Variants in TUSC3 observed in about 807,000 individuals in gnomAD.
TUSC3 encodes the protein dolichyl-diphosphooligosaccharide--protein glycosyltransferase subunit TUSC3.
TUSC3 carries 45 observed loss-of-function variants against 44.8 expected under a neutral mutation model. The observed-to-expected ratio is 1.00, with a 90% CI of 0.79 to 1.29. The LOEUF (loss-of-function observed/expected upper bound fraction) is 1.29. Among genes scored for constraint, TUSC3 ranks in the 50% most tolerant of loss-of-function variants. TUSC3 has a pLI of 0.00. For missense variants in TUSC3, 519 were observed against 437.9 expected (o/e 1.19, Z -1.65); for synonymous variants, 212 against 152.9 (o/e 1.39, Z -2.85).
chr8:15,461,264 GTGTTT>G (rs542853917), intron 1 of TUSC3, among the ~76,000 whole-genome samples: 3 of 151,528 alleles, frequency 2.0e-5, no homozygotes, highest in Non-Finnish European at 2.9e-5. Context: ...ATATTCCTAA[GTGTTT>G]TGTTTGTTTG....
chr8:15,753,961 G>C (rs145167045), intron 9 of TUSC3, among the ~76,000 whole-genome samples: 1 of 152,218 alleles, frequency 6.6e-6, no homozygotes, highest in African/African-American at 2.4e-5. Flanking sequence ...TGAAAGGTGA[G>C]ATACTGATAA....
chr8:15,696,159 C>T (rs964294412), intron 6 of TUSC3, among the ~76,000 whole-genome samples: 16 of 152,136 alleles, frequency 1.1e-4, no homozygotes, highest in Admixed American at 8.5e-4. Flanking sequence ...GCCCAGAGGC[C>T]TAGGAGGCAA....
rs79881033 is a variant in TUSC3 at position 15,600,368 on chromosome 8, A to G, written c.139-22712A>G. 5.0e-3 allele frequency among the ~76,000 whole-genome samples: 767 copies of G among 151,920 alleles called. 18 individuals are homozygous for G. In the East Asian group the frequency reaches 0.075, roughly 15 times the overall value. ...AATAGAGATGCTTCATCTAAGGACA[A>G]ACAGGTTTGATTAGGATGTCAGTAG... On this transcript the variant is annotated intron_variant, in intron 1 of 10. Coordinates refer to ENST00000503731, the MANE Select transcript of TUSC3 (RefSeq NM_006765.4).
intron 1 of TUSC3, among the ~76,000 whole-genome samples, chr8:15,618,570 C>T (rs1474358949): frequency 6.6e-6 from 1 of 152,136 alleles, no homozygotes; most frequent in Non-Finnish European, 1.5e-5. Context: ...ATGGAACTGT[C>T]ATCTCCTAGG....
At chr8:15,798,338 A>C in the TUSC3 span, among the ~76,000 whole-genome samples, 26,548 of 152,104 alleles carry the variant, frequency 0.17, 2,370 homozygotes, top group Middle Eastern at 0.23. Flanking sequence ...TAGTTCCCTA[A>C]GTGCCCATAT....
At chr8:15,526,182 G>A (rs1205213710) in intron 2 of TUSC3, among the ~76,000 whole-genome samples, 4 of 151,922 alleles carry the variant, frequency 2.6e-5, no homozygotes, top group Non-Finnish European at 4.4e-5. Context: ...ACAGGCGCCC[G>A]CCATCACGGC....
At chr8:15,727,732 G>T (rs577383377) in intron 6 of TUSC3, among the ~76,000 whole-genome samples, 2 of 152,276 alleles carry the variant, frequency 1.3e-5, no homozygotes, top group East Asian at 3.9e-4. Context: ...CAGCTTCTCG[G>T]CCTTTTGGCT....
At chr8:15,646,091 T>C (rs1806615728) in intron 2 of TUSC3, among the ~76,000 whole-genome samples, 1 of 152,166 alleles carries the variant, frequency 6.6e-6, no homozygotes, top group African/African-American at 2.4e-5. Flanking sequence ...TCAGTAGTGC[T>C]ACACAGTCGC....
In TUSC3 at chr8:15,592,879, A is replaced by T. The variant is rs190026100; in HGVS notation, c.139-30201A>T. On this transcript the variant is annotated intron_variant, in intron 1 of 10. Transcript: ENST00000503731. ...CGAGGCAGGATGAATTATTTTACTT[A>T]AGCTAGCCAGCCAGTAGTGTTGTCA... is the stretch of plus-strand genomic sequence containing the variant. Among the ~76,000 whole-genome samples the T allele has an allele frequency of 6.6e-5, 10 of 152,208 alleles. No homozygotes were observed. The East Asian group carries it at 1.9e-3, about 30-fold the overall frequency.
chr8:15,757,055 G>A (rs1031289624), intron 9 of TUSC3, among the ~76,000 whole-genome samples: 4 of 152,062 alleles, frequency 2.6e-5, no homozygotes, highest in African/African-American at 9.7e-5. Flanking sequence ...AATATCACTC[G>A]AGCCCAGGAG....
At chr8:15,550,170 A>G (rs1802012471) in intron 1 of TUSC3, among the ~76,000 whole-genome samples, 1 of 151,688 alleles carries the variant, frequency 6.6e-6, no homozygotes, top group Non-Finnish European at 1.5e-5. Context: ...TTCTTTAACT[A>G]CCAGGCCCAG....
At chr8:15,605,681 T>C (rs191751092) in intron 1 of TUSC3, among the ~76,000 whole-genome samples, 43 of 152,072 alleles carry the variant, frequency 2.8e-4, no homozygotes, top group Admixed American at 6.6e-4. Flanking sequence ...TTTCATCGTT[T>C]AGTACCATAA....
chr8:15,763,052 A>G (rs1375850485), intron 10 of TUSC3, among the ~76,000 whole-genome samples: 2 of 151,836 alleles, frequency 1.3e-5, no homozygotes, highest in Non-Finnish European at 2.9e-5. Flanking sequence ...AACAAGAGTA[A>G]TTTTTCTAGT....
At chr8:15,433,049 A>G (rs1357841710) in intron 1 of TUSC3, among the ~76,000 whole-genome samples, 1 of 152,204 alleles carries the variant, frequency 6.6e-6, no homozygotes, top group East Asian at 1.9e-4. Flanking sequence ...GGGAGTTGAT[A>G]GGGGAATCCA....
chr8:15,494,691 C>G (rs1266999352), intron 2 of TUSC3, among the ~76,000 whole-genome samples: 2 of 152,196 alleles, frequency 1.3e-5, no homozygotes, highest in Non-Finnish European at 2.9e-5. Flanking sequence ...TATGTCAATA[C>G]CTGTAATGGA....
the TUSC3 span, among the ~76,000 whole-genome samples, chr8:15,839,171 G>C: frequency 6.6e-6 from 1 of 152,110 alleles, no homozygotes; most frequent in Non-Finnish European, 1.5e-5. Context: ...TCTGTTATTG[G>C]TGTATAGGAA....
upstream of TUSC3, among the ~76,000 whole-genome samples, chr8:15,536,748 G>C (rs989418089): frequency 7.0e-6 from 1 of 142,598 alleles, no homozygotes; most frequent in African/African-American, 2.6e-5. Flanking sequence ...CAGGATTAAG[G>C]AGTCTTGCAT....
At chr8:15,708,730 G>C (rs1047303817) in intron 6 of TUSC3, among the ~76,000 whole-genome samples, 17 of 151,986 alleles carry the variant, frequency 1.1e-4, no homozygotes, top group African/African-American at 3.6e-4. Context: ...CATTAGTCTA[G>C]ATACTTTGGA....
At chr8:15,699,679 A>G (rs1224554676) in intron 6 of TUSC3, among the ~76,000 whole-genome samples, 1 of 152,230 alleles carries the variant, frequency 6.6e-6, no homozygotes, top group Admixed American at 6.5e-5. Flanking sequence ...AGGAAGTTGT[A>G]TAACAAGAGT....
Sources: allele counts gnomAD v4.1 joint callset (sites outside exome capture counted in the v4.1 genomes callset), GRCh38; gene constraint gnomAD v4.1.1; transcripts MANE v1.5; gene names NCBI Gene and HGNC (gene_info 2026-07-23, HGNC 2026-07-21).